AGAP1: variants seen among roughly 807,000 people sequenced by gnomAD.
AGAP1 encodes ArfGAP with GTPase domain, ankyrin repeat and PH domain 1, also known as arf-GAP with GTPase, ANK repeat and PH domain-containing protein 1.
Under a neutral mutation model 105.3 loss-of-function variants are expected in AGAP1, and 29 were observed. The ratio of observed to expected loss-of-function variants is 0.28; its 90% CI spans 0.21 to 0.38. AGAP1 has a LOEUF of 0.38. Ranked by LOEUF, AGAP1 falls within the 10% of genes least tolerant of loss-of-function variation. The pLI is 1.00. For missense variants in AGAP1, 998 were observed against 1,165.1 expected (o/e 0.86, Z 2.09); for synonymous variants, 509 against 485.9 (o/e 1.05, Z -0.63).
Position 235,927,282 on chromosome 2 carries a change from C to T in AGAP1, c.1325-3483C>T, listed in dbSNP as rs1002199908. Among the ~76,000 whole-genome samples, 6 of 152,122 alleles carry T rather than the reference C, an allele frequency of 3.9e-5. No individual in the cohort carries two copies. The highest frequency in any genetic ancestry group is 7.4e-5 in the Non-Finnish European group (5 of 68,014). On this transcript the variant is annotated intron_variant, in intron 11 of 17. Coordinates refer to ENST00000304032, the MANE Select transcript of AGAP1 (RefSeq NM_001037131.3). The surrounding 1 kb of genome is among the most constrained non-coding windows in gnomAD (Gnocchi z 4.4). Reference sequence around the variant, plus strand: ...GAGCATGTGGTCTTGCCAGGAGGTTCGTCACCCCAGAGGTTCCAGGTTGGT... The same window carrying T: ...GAGCATGTGGTCTTGCCAGGAGGTTTGTCACCCCAGAGGTTCCAGGTTGGT...
chr2:235,939,541 C>A (rs188809662), intron 12 of AGAP1, among the ~76,000 whole-genome samples: 37 of 151,360 alleles, frequency 2.4e-4, no homozygotes, highest in Non-Finnish European at 4.7e-4. Context: ...ACCTCTCCTT[C>A]TATTCTCCTT....
In AGAP1 at chr2:236,061,762, G is replaced by A. The variant is rs908154728; in HGVS notation, c.2114+12481G>A. The stretch of plus-strand genomic sequence containing the variant: ...GTACGAAACTTCTTTTGGAGACAAC[G>A]AAAATGATCTGGATTTACATAGTAG... On this transcript the variant is annotated intron_variant, in intron 16 of 17. Transcript: ENST00000304032. This position sits in a 1 kb window ranked among gnomAD's most constrained non-coding sequence, Gnocchi z 4.1. Among the ~76,000 whole-genome samples, 13 of 151,500 alleles carry A rather than the reference G, an allele frequency of 8.6e-5. No homozygotes were observed. Among genetic ancestry groups the A allele is most frequent in the Non-Finnish European group, 1.9e-4 (13 of 67,982 alleles).
Position 236,080,580 on chromosome 2 carries a change from C to G in AGAP1, c.2114+31299C>G, listed in dbSNP as rs78864295. ...GTTTCATCCATCCAGCTTTTAGCCT[C>G]TCAATCCTTCTCTTCCTAATAGGGT... On this transcript the variant is annotated intron_variant, in intron 16 of 17. Transcript: ENST00000304032. This position sits in a 1 kb window ranked among gnomAD's most constrained non-coding sequence, Gnocchi z 4.2. Among the ~76,000 whole-genome samples, 117 of 152,332 alleles carry G rather than the reference C, an allele frequency of 7.7e-4. No individual in the cohort carries two copies. Among genetic ancestry groups the G allele is most frequent in the African/African-American group, 2.7e-3 (114 of 41,574 alleles).
Position 235,968,513 on chromosome 2 carries a change from C to T in AGAP1, c.1535C>T (p.Thr512Ile). The T allele has an allele frequency of 1.2e-6, 2 of 1,612,204 alleles. No individual in the cohort carries two copies. Among genetic ancestry groups the T allele is most frequent in the South Asian group, 2.2e-5 (2 of 90,918 alleles). ...TCCAGCCCCAGTATCTCCAGCACCA[C>T]CAGCCCCAAGCTCGACCCGCCCCCC... ...VCSSPSISSTTSPKLDPPPSP... is the reference protein window; with the variant it reads ...VCSSPSISSTISPKLDPPPSP... The change falls in exon 13 of 18, where the codon ACC becomes ATC. Residue 512 changes from threonine (T) to isoleucine (I), a missense_variant. Thr to Ile is a moderately conservative substitution (Grantham distance 89). This residue lies in a region of AGAP1 where 735 missense variants were observed against 833.4 expected (regional missense o/e 0.88). Coordinates refer to ENST00000304032, the MANE Select transcript of AGAP1 (RefSeq NM_001037131.3).
chr2:235,653,655 C>G (rs1575049712), intron 1 of AGAP1, among the ~76,000 whole-genome samples: 2 of 151,900 alleles, frequency 1.3e-5, no homozygotes, highest in East Asian at 3.9e-4. Flanking sequence ...TTGAGTAAAC[C>G]AAGAGATAGG....
chr2:235,822,242 G>T (rs997201758), intron 9 of AGAP1, among the ~76,000 whole-genome samples: 2 of 152,234 alleles, frequency 1.3e-5, no homozygotes, highest in Non-Finnish European at 2.9e-5. Context: ...TGATAAATGT[G>T]TACAGTCTTA....
chr2:236,082,268 T>C lies in AGAP1; in HGVS notation c.2114+32987T>C, dbSNP rs2058805398. Among the ~76,000 whole-genome samples the C allele has an allele frequency of 6.6e-6, 1 of 152,226 alleles. No individual in the cohort carries two copies. Among genetic ancestry groups the C allele is most frequent in the African/African-American group, 2.4e-5 (1 of 41,474 alleles). On this transcript the variant is annotated intron_variant, in intron 16 of 17. Transcript: ENST00000304032. This position sits in a 1 kb window ranked among gnomAD's most constrained non-coding sequence, Gnocchi z 4.2. ...TCGCTGGAAGTTATAGATGCAGATA[T>C]TATTTGCACTGCGGTTAATTATGGA... is the stretch of plus-strand genomic sequence containing the variant.
rs1559699292 is a variant in AGAP1, at chr2:235,962,085, TCAG to T, written c.1484-6376_1484-6374del. 6.7e-6 allele frequency among the ~76,000 whole-genome samples: 1 copy of T among 149,244 alleles called. No homozygotes were observed. Among genetic ancestry groups the T allele is most frequent in the Non-Finnish European group, 1.5e-5 (1 of 67,838 alleles). ...TTGTTTTGTTTTGTTTTGTTTTGTT[TCAG>T]TGAAGTGAAAAGTGAGGTCATCGTG... On this transcript the variant is annotated intron_variant, in intron 12 of 17. Coordinates refer to ENST00000304032, the MANE Select transcript of AGAP1 (RefSeq NM_001037131.3). The surrounding 1 kb of genome is among the most constrained non-coding windows in gnomAD (Gnocchi z 5.3).
intron 6 of AGAP1, among the ~76,000 whole-genome samples, chr2:235,784,225 T>C (rs955461983): frequency 6.6e-6 from 1 of 152,274 alleles, no homozygotes; most frequent in Non-Finnish European, 1.5e-5. Flanking sequence ...TGTGATGTGC[T>C]TTCTCACAAG....
At chr2:235,641,432 C>T (rs1018353416) in intron 1 of AGAP1, among the ~76,000 whole-genome samples, 1 of 150,402 alleles carries the variant, frequency 6.6e-6, no homozygotes, top group Non-Finnish European at 1.5e-5. Flanking sequence ...CTCCCCGACC[C>T]GATTTTTTTT....
At chr2:235,634,974 C>A (rs78675109) in intron 1 of AGAP1, among the ~76,000 whole-genome samples, 1 of 152,086 alleles carries the variant, frequency 6.6e-6, no homozygotes, top group African/African-American at 2.4e-5. Context: ...GCCTCCCCCC[C>A]GCTGTAGACA....
rs889790175 is a variant in AGAP1, at chr2:235,883,324, T to C, written c.1051-21T>C. 23 of 1,604,822 alleles carry C rather than the reference T, an allele frequency of 1.4e-5. No homozygotes were observed. In the East Asian group the frequency reaches 5.1e-4, roughly 36 times the overall value. ...TTTTTATTTACATTAGAATTTCTAT[T>C]TGGCTCTTTTTCCCTTGTAGGGCAT... On this transcript the variant is annotated intron_variant, in intron 9 of 17. Transcript: ENST00000304032. The surrounding 1 kb of genome is among the most constrained non-coding windows in gnomAD (Gnocchi z 4.5).
intron 6 of AGAP1, among the ~76,000 whole-genome samples, chr2:235,757,069 C>A (rs1330856570): frequency 6.6e-6 from 1 of 152,194 alleles, no homozygotes; most frequent in Non-Finnish European, 1.5e-5. Context: ...TGCTCCCCAC[C>A]AAAACGTCAG....
intron 1 of AGAP1, among the ~76,000 whole-genome samples, chr2:235,636,115 G>GTAAATAAATAAATAAATAAATAAA (rs10587179): frequency 5.6e-5 from 8 of 144,058 alleles, no homozygotes; most frequent in African/African-American, 1.8e-4. Context: ...CTCTGTCTCA[G>GTAAATAAATAAATAAATAAATAAA]TAAATAAATA....
chr2:235,925,369 G>C (rs1353888614), intron 11 of AGAP1, among the ~76,000 whole-genome samples: 3 of 152,080 alleles, frequency 2.0e-5, no homozygotes. Flanking sequence ...TTACTCCTTA[G>C]ACACGGGAAT....
chr2:235,670,180 T>C, intron 1 of AGAP1: 1 of 582,802 alleles, frequency 1.7e-6, no homozygotes, highest in Non-Finnish European at 3.1e-6. Context: ...CCAGAAAGAC[T>C]GTCTACCGCA....
chr2:236,059,887 T>TC (rs754954104), intron 16 of AGAP1, among the ~76,000 whole-genome samples: 7 of 152,084 alleles, frequency 4.6e-5, no homozygotes, highest in Non-Finnish European at 8.8e-5. Context: ...GGTCAGGAGT[T>TC]CAAGACCAGC....
rs1343642190 is a variant in AGAP1, at chr2:235,601,865, A to G, written c.163+107016A>G. 6.6e-6 allele frequency among the ~76,000 whole-genome samples: 1 copy of G among 152,168 alleles called. No individual in the cohort carries two copies. Among genetic ancestry groups the G allele is most frequent in the Non-Finnish European group, 1.5e-5 (1 of 68,018 alleles). On this transcript the variant is annotated intron_variant, in intron 1 of 17. Transcript: ENST00000304032. This position sits in a 1 kb window ranked among gnomAD's most constrained non-coding sequence, Gnocchi z 4.4. ...GGTACAGTCACACTGGAGGTTCAAC[A>G]CAATCCAGCCACCACATCACCCAGG...
chr2:235,532,553 T>G (rs1286965399), intron 1 of AGAP1, among the ~76,000 whole-genome samples: 1 of 152,228 alleles, frequency 6.6e-6, no homozygotes, highest in Non-Finnish European at 1.5e-5. Flanking sequence ...TATGCAGTGG[T>G]TTGTCCAGCT....
Sources: gnomAD v4.1 joint callset for allele counts (sites outside exome capture counted in the v4.1 genomes callset) on GRCh38, gnomAD v4.1.1 for gene constraint, gnomAD v4.1.1 regional missense constraint, Gnocchi (gnomAD v3.1) non-coding constraint, MANE v1.5 for transcripts, NCBI Gene and HGNC (gene_info 2026-07-23, HGNC 2026-07-21) for gene names.